SHANK2: variants seen among roughly 807,000 people sequenced by gnomAD.
SHANK2 encodes SH3 and multiple ankyrin repeat domains 2.
In SHANK2, 43 loss-of-function variants were observed where a neutral mutation model predicts 133.7. The ratio of observed to expected loss-of-function variants is 0.32; its 90% CI spans 0.25 to 0.41. The LOEUF (loss-of-function observed/expected upper bound fraction) is 0.41, where lower values mean the gene tolerates loss of function less well. Ranked by LOEUF, SHANK2 falls within the 10% of genes least tolerant of loss-of-function variation. The pLI is 1.00. For synonymous variants in SHANK2, 1,017 were observed against 952.8 expected, an observed-to-expected ratio of 1.07 and a Z score of -1.24; for missense variants, 1,994 against 2,235.8, an observed-to-expected ratio of 0.89 and a Z score of 2.18.
At chr11:70,723,270 A>G (rs1178581222) in intron 14 of SHANK2, among the ~76,000 whole-genome samples, 3 of 148,378 alleles carry the variant, frequency 2.0e-5, no homozygotes, top group Non-Finnish European at 4.4e-5. Flanking sequence ...ATTATATTAG[A>G]TAGTAGCAAT....
intron 15 of SHANK2, among the ~76,000 whole-genome samples, chr11:70,682,407 G>A (rs1945048540): frequency 6.6e-6 from 1 of 152,220 alleles, no homozygotes; most frequent in Non-Finnish European, 1.5e-5. Flanking sequence ...TGCAAAGGCT[G>A]GCGGGAGGAT....
At chr11:71,168,838 C>A (rs1470810447) in intron 2 of SHANK2, among the ~76,000 whole-genome samples, 2 of 152,060 alleles carry the variant, frequency 1.3e-5, no homozygotes, top group Non-Finnish European at 2.9e-5. Context: ...AGGGCCCACA[C>A]TTCTAAAAGT....
chr11:70,883,059 A>AG (rs1235797026), intron 11 of SHANK2, among the ~76,000 whole-genome samples: 4 of 152,136 alleles, frequency 2.6e-5, no homozygotes, highest in Non-Finnish European at 5.9e-5. Context: ...CTCCGGAGTC[A>AG]GGGCTGTCGG....
intron 10 of SHANK2, among the ~76,000 whole-genome samples, chr11:70,920,802 C>T (rs1555080581): frequency 6.6e-6 from 1 of 152,098 alleles, no homozygotes; most frequent in Non-Finnish European, 1.5e-5. Flanking sequence ...TGATGTTGCT[C>T]ATTAAAAGTT....
intron 11 of SHANK2, among the ~76,000 whole-genome samples, chr11:70,880,999 A>G (rs1237129371): frequency 6.6e-6 from 1 of 152,236 alleles, no homozygotes; most frequent in Non-Finnish European, 1.5e-5. Context: ...TGGGCATCCC[A>G]ACCCTGAACG....
intron 9 of SHANK2, among the ~76,000 whole-genome samples, chr11:71,060,356 G>T (rs1170768100): frequency 6.6e-6 from 1 of 152,304 alleles, no homozygotes; most frequent in East Asian, 1.9e-4. Context: ...GATATGAGTC[G>T]TGAAGAGCTG....
chr11:70,836,257 A>C (rs549707139), intron 11 of SHANK2, among the ~76,000 whole-genome samples: 5 of 152,328 alleles, frequency 3.3e-5, no homozygotes, highest in Admixed American at 2.0e-4. Context: ...GGCCGGCTCC[A>C]CACAGCTGCC....
chr11:70,503,941 G>A (rs1360222198), intron 17 of SHANK2, among the ~76,000 whole-genome samples: 4 of 152,174 alleles, frequency 2.6e-5, no homozygotes, highest in African/African-American at 9.7e-5. Context: ...AAAAGGCCCC[G>A]GCCTCACCCC....
chr11:71,238,368 A>G (rs1954848971), intron 1 of SHANK2, among the ~76,000 whole-genome samples: 1 of 152,230 alleles, frequency 6.6e-6, no homozygotes, highest in Non-Finnish European at 1.5e-5. Flanking sequence ...TGCTTACCAT[A>G]GTCTCAGCTT....
rs576850506 is a variant in SHANK2 at position 70,853,131 on chromosome 11, G to A, written c.1175-32449C>T. ...TTACGGGAGACAGCAATCCTTGGCA[G>A]GGTCCTCCTGGGCTCCTTAGAGCCT... is the stretch of plus-strand genomic sequence containing the variant. On this transcript the variant is annotated intron_variant, in intron 11 of 25. Coordinates refer to ENST00000601538, the MANE Select transcript of SHANK2 (RefSeq NM_012309.5). Among the ~76,000 whole-genome samples, 54 of 152,362 alleles carry A rather than the reference G, an allele frequency of 3.5e-4. 1 individual carries two copies. The highest frequency in any genetic ancestry group is 1.2e-3 in the South Asian group (6 of 4,834).
At chr11:70,892,840 T>C (rs191024307) in intron 11 of SHANK2, among the ~76,000 whole-genome samples, 5 of 152,282 alleles carry the variant, frequency 3.3e-5, no homozygotes, top group Non-Finnish European at 7.4e-5. Flanking sequence ...TGCTTCATAA[T>C]GACCAGGCAC....
At chr11:71,241,912 G>T (rs1555124466) in intron 1 of SHANK2, among the ~76,000 whole-genome samples, 1 of 152,202 alleles carries the variant, frequency 6.6e-6, no homozygotes. Flanking sequence ...TTTTCTAAAA[G>T]CAAGGACTCA....
At chr11:70,596,804 C>T (rs371912695) in intron 17 of SHANK2, among the ~76,000 whole-genome samples, 1 of 152,122 alleles carries the variant, frequency 6.6e-6, no homozygotes, top group African/African-American at 2.4e-5. Context: ...GTGCTCTCCC[C>T]CAGTGTGAGG....
At position 70,868,224 on chromosome 11, in the gene SHANK2, G is replaced by A. The variant is rs142508818; in HGVS notation, c.1174+28277C>T. 3.5e-4 allele frequency among the ~76,000 whole-genome samples: 54 copies of A among 152,222 alleles called. 1 individual carries two copies. The East Asian group carries it at 9.3e-3, about 26-fold the overall frequency. ...AGGGTGCAGGTGAAGAAGGTGGGTC[G>A]CATAGACACAGAGGCTGAGGGGGTC... On this transcript the variant is annotated intron_variant, in intron 11 of 25. Coordinates refer to ENST00000601538, the MANE Select transcript of SHANK2 (RefSeq NM_012309.5).
At chr11:70,621,733 G>A (rs1195886564) in intron 17 of SHANK2, among the ~76,000 whole-genome samples, 1 of 152,188 alleles carries the variant, frequency 6.6e-6, no homozygotes, top group Non-Finnish European at 1.5e-5. Flanking sequence ...GACTCTGCCT[G>A]AGGACGTGGG....
At chr11:70,617,455 CGAG>C (rs1231588847) in intron 17 of SHANK2, among the ~76,000 whole-genome samples, 1 of 151,500 alleles carries the variant, frequency 6.6e-6, no homozygotes, top group Non-Finnish European at 1.5e-5. Context: ...GAAAGAAACG[CGAG>C]GAACGGAGTG....
intron 14 of SHANK2, among the ~76,000 whole-genome samples, chr11:70,740,552 C>A (rs540852503): frequency 1.3e-5 from 2 of 152,132 alleles, no homozygotes; most frequent in Non-Finnish European, 2.9e-5. Flanking sequence ...TGGGGTGATG[C>A]GTCAGAGGAA....
At chr11:71,251,046 C>A (rs1948169283) in intron 1 of SHANK2, among the ~76,000 whole-genome samples, 1 of 152,160 alleles carries the variant, frequency 6.6e-6, no homozygotes, top group Admixed American at 6.5e-5. Flanking sequence ...ACGCCCAGGC[C>A]CCTGCCAGCA....
chr11:70,818,099 TA>T (rs1212800321), intron 12 of SHANK2, among the ~76,000 whole-genome samples: 7 of 152,128 alleles, frequency 4.6e-5, no homozygotes, highest in African/African-American at 1.7e-4. Context: ...TATGCAGCTA[TA>T]CAATGGTACA....
Sources: allele counts gnomAD v4.1 joint callset (sites outside exome capture counted in the v4.1 genomes callset), GRCh38; gene constraint gnomAD v4.1.1; transcripts MANE v1.5; gene names NCBI Gene and HGNC (gene_info 2026-07-23, HGNC 2026-07-21).